Variants in BOD1 observed in about 807,000 individuals in gnomAD.
BOD1 encodes biorientation of chromosomes in cell division protein 1.
Under a neutral mutation model 15.7 loss-of-function variants are expected in BOD1, and 11 were observed. The observed-to-expected ratio is 0.70, with a 90% CI of 0.44 to 1.16. BOD1 has a LOEUF of 1.16. BOD1 is among the 50% of genes most tolerant of loss of function. The pLI, the probability that BOD1 is intolerant of heterozygous loss-of-function variation, is 0.00. For synonymous variants in BOD1, 105 were observed against 103.5 expected, an observed-to-expected ratio of 1.01 and a Z score of -0.09; for missense variants, 182 against 244.5, an observed-to-expected ratio of 0.74 and a Z score of 1.70.
At chr5:173,615,440 C>G (rs888661999) in intron 1 of BOD1, among the ~76,000 whole-genome samples, 1 of 152,186 alleles carries the variant, frequency 6.6e-6, no homozygotes, top group African/African-American at 2.4e-5. Context: ...AAATCACTAC[C>G]CTGCAGGAGT....
chr5:173,616,613 T>G lies in BOD1; in HGVS notation c.-177A>C. 1 of 1,346,580 alleles carries G rather than the reference T, an allele frequency of 7.4e-7. No homozygotes were observed. Among genetic ancestry groups the G allele is most frequent in the Non-Finnish European group, 9.5e-7 (1 of 1,056,636 alleles). The allele number at this position is 1,346,580 out of a possible 1,614,324, so 83.4% of individuals were successfully genotyped here. ...GGGGGCGGCGGCGGCGAAGGCCCCC[T>G]CTGATACAGCAGAGGTTGTGGTGGA... On this transcript the variant is annotated 5_prime_UTR_variant, in exon 1 of 4. Coordinates refer to ENST00000311086, the MANE Select transcript of BOD1 (RefSeq NM_138369.3).
chr5:173,616,602 C>T lies in BOD1; in HGVS notation c.-166G>A, dbSNP rs867092193. The T allele has an allele frequency of 8.6e-5, 116 of 1,349,918 alleles. No individual in the cohort carries two copies. In the African/African-American group the frequency reaches 1.3e-3, roughly 15 times the overall value. The allele number at this position is 1,349,918 out of a possible 1,614,324, so 83.6% of individuals were successfully genotyped here. A position where few individuals can be genotyped will look rare whatever the true frequency, so the allele number is the denominator to read the frequency against. Reference sequence around the variant, plus strand: ...GGGGCGGTGGTGGGGGCGGCGGCGGCGAAGGCCCCCTCTGATACAGCAGAG... The same window carrying T: ...GGGGCGGTGGTGGGGGCGGCGGCGGTGAAGGCCCCCTCTGATACAGCAGAG... On this transcript the variant is annotated 5_prime_UTR_variant, in exon 1 of 4. Transcript: ENST00000311086.
intron 1 of BOD1, among the ~76,000 whole-genome samples, chr5:173,615,862 G>C (rs1755481739): frequency 6.6e-6 from 1 of 152,172 alleles, no homozygotes; most frequent in East Asian, 1.9e-4. Flanking sequence ...AAATTCTAAA[G>C]CACGCTTGCT....
At chr5:173,609,612 GTAAT>G (rs1472629709) in intron 2 of BOD1, 178 bp from the exon 3 acceptor site, 23 of 595,154 alleles carry the variant, frequency 3.9e-5, no homozygotes, top group Non-Finnish European at 6.4e-5. Flanking sequence ...CTTTTGAGGG[GTAAT>G]TCTCAACCAG....
At chr5:173,611,843 C>T (rs1437670204) in intron 2 of BOD1, among the ~76,000 whole-genome samples, 1 of 152,218 alleles carries the variant, frequency 6.6e-6, no homozygotes, top group Non-Finnish European at 1.5e-5. Flanking sequence ...TGTTAACAGC[C>T]TTCATACAAT....
At chr5:173,613,062 C>A in intron 2 of BOD1, 69 bp downstream of exon 2, 1 of 1,529,602 alleles carries the variant, frequency 6.5e-7, no homozygotes, top group Non-Finnish European at 8.8e-7. Context: ...TAAACAGAGA[C>A]CTCAACCTTC....
Position 173,616,488 on chromosome 5 carries a change from CAGA to C in BOD1, c.-55_-53del. The C allele has an allele frequency of 1.3e-6, 2 of 1,549,834 alleles. No individual in the cohort carries two copies. Among genetic ancestry groups the C allele is most frequent in the South Asian group, 1.2e-5 (1 of 85,896 alleles). On this transcript the variant is annotated 5_prime_UTR_variant, in exon 1 of 4. Coordinates refer to ENST00000311086, the MANE Select transcript of BOD1 (RefSeq NM_138369.3). ...AACGACTATAGCTTCTTCTCCAGGA[CAGA>C]AGGCCTAGAACGTGTAGAGGTGGTG...
At chr5:173,613,077 G>GTGAGT in intron 2 of BOD1, 54 bp downstream of exon 2, 1 of 1,594,422 alleles carries the variant, frequency 6.3e-7, no homozygotes, top group East Asian at 2.2e-5. Flanking sequence ...ACCTTCTTGT[G>GTGAGT]CATCACACTT....
chr5:173,611,680 C>T (rs1331695524), intron 2 of BOD1, among the ~76,000 whole-genome samples: 3 of 152,152 alleles, frequency 2.0e-5, no homozygotes, highest in East Asian at 3.8e-4. Flanking sequence ...GTCCATTTCT[C>T]GATCTGGGTG....
chr5:173,608,343 A>G, intron 3 of BOD1, 51 bp from the exon 4 acceptor site: 3 of 1,317,994 alleles, frequency 2.3e-6, no homozygotes, highest in Non-Finnish European at 3.2e-6. Flanking sequence ...ATAACAGACT[A>G]TATTCACTTT....
At chr5:173,612,750 C>T (rs1205215463) in intron 2 of BOD1, among the ~76,000 whole-genome samples, 1 of 152,218 alleles carries the variant, frequency 6.6e-6, no homozygotes, top group Non-Finnish European at 1.5e-5. Flanking sequence ...TTATTTAGTT[C>T]ACATTCACCT....
chr5:173,615,266 G>A (rs1200171469), intron 1 of BOD1, among the ~76,000 whole-genome samples: 4 of 152,184 alleles, frequency 2.6e-5, no homozygotes, highest in African/African-American at 9.7e-5. Flanking sequence ...TTTTGAGGAT[G>A]GGGTAGTGAC....
intron 1 of BOD1, among the ~76,000 whole-genome samples, chr5:173,613,504 T>G (rs1283472326): frequency 6.6e-6 from 1 of 152,206 alleles, no homozygotes; most frequent in Non-Finnish European, 1.5e-5. Context: ...TAACTCTACA[T>G]GCAGCAGGCC....
At chr5:173,609,791 G>GC in intron 2 of BOD1, 1 of 207,864 alleles carries the variant, frequency 4.8e-6, no homozygotes, top group Non-Finnish European at 9.8e-6. Flanking sequence ...TACTGTCAAA[G>GC]CCAGTAAGCC....
chr5:173,616,491 A>C lies in BOD1; in HGVS notation c.-55T>G. The C allele has an allele frequency of 6.5e-7, 1 of 1,545,678 alleles. No homozygotes were observed. The highest frequency in any genetic ancestry group is 8.6e-7 in the Non-Finnish European group (1 of 1,157,184). On this transcript the variant is annotated 5_prime_UTR_variant, in exon 1 of 4. Coordinates refer to ENST00000311086, the MANE Select transcript of BOD1 (RefSeq NM_138369.3). ...GACTATAGCTTCTTCTCCAGGACAG[A>C]AGGCCTAGAACGTGTAGAGGTGGTG...
chr5:173,611,577 C>A (rs166303), intron 2 of BOD1, among the ~76,000 whole-genome samples: 70,718 of 151,240 alleles, frequency 0.47, 17,559 homozygotes, highest in East Asian at 0.8. Context: ...AAAAACTATG[C>A]AGAGAGGAAA....
Position 173,609,435 on chromosome 5 carries a change from C to G in BOD1, c.363-1G>C. On this transcript the variant is annotated splice_acceptor_variant, in intron 2 of 3. Coordinates refer to ENST00000311086, the MANE Select transcript of BOD1 (RefSeq NM_138369.3). LOFTEE classifies it high-confidence loss of function. Reference sequence around the variant, plus strand: ...TACTCCAGCTTCCAACATCCCTGACCTTGTGGAGACAAACAGATCATTCTG... The same window carrying G: ...TACTCCAGCTTCCAACATCCCTGACGTTGTGGAGACAAACAGATCATTCTG... 1.5e-6 allele frequency: 2 copies of G among 1,308,890 alleles called. No individual in the cohort carries two copies. Among genetic ancestry groups the G allele is most frequent in the Non-Finnish European group, 2.1e-6 (2 of 970,070 alleles). The allele number at this position is 1,308,890 out of a possible 1,614,324, so 81.1% of individuals were successfully genotyped here.
chr5:173,609,641 A>G, intron 2 of BOD1: 3 of 555,140 alleles, frequency 5.4e-6, no homozygotes, highest in Non-Finnish European at 3.2e-6. Flanking sequence ...TGTTATTCCT[A>G]CTGCACAATC....
intron 2 of BOD1, among the ~76,000 whole-genome samples, chr5:173,611,402 C>T (rs539647551): frequency 3.9e-5 from 6 of 152,252 alleles, no homozygotes; most frequent in Admixed American, 2.0e-4. Flanking sequence ...AGAAAGTCTG[C>T]GTTTCGAAAC....
Sources: gnomAD v4.1 joint callset for allele counts (sites outside exome capture counted in the v4.1 genomes callset) on GRCh38, gnomAD v4.1.1 for gene constraint, MANE v1.5 for transcripts, NCBI Gene and HGNC (gene_info 2026-07-23, HGNC 2026-07-21) for gene names.